RTTN: variants seen among roughly 807,000 people sequenced by gnomAD.
RTTN encodes rotatin.
RTTN carries 182 observed loss-of-function variants against 269.2 expected under a neutral mutation model. The ratio of observed to expected loss-of-function variants is 0.68; its 90% CI spans 0.60 to 0.76. The LOEUF is 0.76. Ranked by LOEUF, RTTN falls within the 30% of genes least tolerant of loss-of-function variation. The pLI is 0.00. For synonymous variants in RTTN, 1,006 were observed against 963.5 expected, an observed-to-expected ratio of 1.04 and a Z score of -0.82; for missense variants, 2,545 against 2,608.6, an observed-to-expected ratio of 0.98 and a Z score of 0.53.
At chr18:70,139,805 T>C in intron 20 of RTTN, 89 bp from the exon 21 acceptor site, 2 of 802,518 alleles carry the variant, frequency 2.5e-6, no homozygotes, top group Non-Finnish European at 4.1e-6. Context: ...CTCTAAATTT[T>C]ATGCGTTTTC....
At chr18:70,013,393 ATGTG>A (rs747807433) in intron 46 of RTTN, among the ~76,000 whole-genome samples, 4 of 147,286 alleles carry the variant, frequency 2.7e-5, no homozygotes, top group African/African-American at 5.2e-5. Flanking sequence ...ATATATACAT[ATGTG>A]TGTGTGTGTG....
chr18:70,145,775 G>A lies in RTTN; in HGVS notation c.2318C>T (p.Ser773Leu), dbSNP rs375642538. 81 of 1,605,162 alleles carry A rather than the reference G, an allele frequency of 5.0e-5. No homozygotes were observed. Among genetic ancestry groups the A allele is most frequent in the Admixed American group, 3.1e-4 (18 of 57,842 alleles). Residue 773 changes from serine (S) to leucine (L), a missense_variant, in exon 18 of 49, where the codon TCG becomes TTG. Coordinates refer to ENST00000640769, the MANE Select transcript of RTTN (RefSeq NM_173630.4). ...GAATGCTAAAAGCTTTAATGCTAGCGAACGGACCCTGAGAACACAAAGTAC... is the reference window on the plus strand; with the variant it reads ...GAATGCTAAAAGCTTTAATGCTAGCAAACGGACCCTGAGAACACAAAGTAC... ...LLLVKKPSVRSLALKLLAFHL... is the reference protein window; with the variant it reads ...LLLVKKPSVRLLALKLLAFHL...
At chr18:70,015,841 A>T (rs1323951212) in intron 46 of RTTN, among the ~76,000 whole-genome samples, 2 of 152,210 alleles carry the variant, frequency 1.3e-5, no homozygotes, top group African/African-American at 4.8e-5. Context: ...AAGAAAAAAA[A>T]AATCATTCTA....
intron 8 of RTTN, among the ~76,000 whole-genome samples, chr18:70,191,767 C>T (rs922627598): frequency 6.6e-6 from 1 of 152,134 alleles, no homozygotes; most frequent in Non-Finnish European, 1.5e-5. Context: ...AAATTATAAA[C>T]CAACTTTGTC....
chr18:70,114,816 A>C (rs1378958731), intron 26 of RTTN, among the ~76,000 whole-genome samples: 4 of 152,126 alleles, frequency 2.6e-5, no homozygotes, highest in Non-Finnish European at 5.9e-5. Flanking sequence ...ATAGAAAAAA[A>C]GGACGAGAAA....
chr18:70,158,898 A>G (rs905127934), intron 14 of RTTN, among the ~76,000 whole-genome samples: 4 of 44,034 alleles, frequency 9.1e-5, no homozygotes, highest in African/African-American at 1.3e-4. Flanking sequence ...AGATTTAACT[A>G]TCCTAAATAT....
At chr18:70,055,215 T>C (rs1158505529) in intron 37 of RTTN, among the ~76,000 whole-genome samples, 1 of 152,140 alleles carries the variant, frequency 6.6e-6, no homozygotes, top group East Asian at 1.9e-4. Context: ...CTGTGATGTC[T>C]CATTTGTCCA....
chr18:70,185,706 AT>A (rs2061528368), intron 10 of RTTN, among the ~76,000 whole-genome samples: 1 of 152,158 alleles, frequency 6.6e-6, no homozygotes. Flanking sequence ...AGATAAGATG[AT>A]CTTAAAACTG....
intron 14 of RTTN, among the ~76,000 whole-genome samples, chr18:70,154,877 T>C (rs962538804): frequency 1.3e-5 from 2 of 152,182 alleles, no homozygotes; most frequent in Non-Finnish European, 1.5e-5. Context: ...ATAGACACAA[T>C]TGACTAAGCT....
At chr18:70,179,847 G>A (rs908642790) in intron 10 of RTTN, among the ~76,000 whole-genome samples, 8 of 152,062 alleles carry the variant, frequency 5.3e-5, no homozygotes, top group Non-Finnish European at 8.8e-5. Context: ...AGCCAGTCAC[G>A]GTTCCTCCTG....
chr18:70,035,909 C>A (rs2057158522), intron 40 of RTTN, among the ~76,000 whole-genome samples: 1 of 152,154 alleles, frequency 6.6e-6, no homozygotes, highest in Non-Finnish European at 1.5e-5. Context: ...ACAGACACTT[C>A]TCAAAAGAAG....
intron 27 of RTTN, among the ~76,000 whole-genome samples, chr18:70,111,612 T>C (rs2059469066): frequency 1.3e-5 from 2 of 151,936 alleles, no homozygotes; most frequent in South Asian, 4.2e-4. Flanking sequence ...GAAAAAAGAA[T>C]AAAAAGGAAC....
At chr18:70,121,472 T>A (rs904474273) in intron 26 of RTTN, 84 bp downstream of exon 26, 7 of 1,172,378 alleles carry the variant, frequency 6.0e-6, no homozygotes, top group African/African-American at 3.1e-5. Flanking sequence ...TATAAAATTA[T>A]CCTTTTCCAT....
intron 23 of RTTN, chr18:70,130,633 A>G (rs2059975142): frequency 6.6e-6 from 1 of 151,946 alleles, no homozygotes; most frequent in East Asian, 1.9e-4. Context: ...CACAGGCTGT[A>G]AAGGATGGTG....
Position 70,027,021 on chromosome 18 carries a change from T to C in RTTN, c.5823+1703A>G, listed in dbSNP as rs530218094. 1.4e-3 allele frequency among the ~76,000 whole-genome samples: 210 copies of C among 152,338 alleles called. 1 individual carries two copies. The highest frequency in any genetic ancestry group is 3.9e-3 in the African/African-American group (163 of 41,574). The stretch of plus-strand genomic sequence containing the variant: ...TAATGCAGTGGCTTAAACTGGAGTT[T>C]GGAAGTCATTCTACATTCCTCCTCT... On this transcript the variant is annotated intron_variant, in intron 43 of 48. Transcript: ENST00000640769.
chr18:70,088,561 A>G (rs538840563), intron 30 of RTTN, among the ~76,000 whole-genome samples: 11 of 152,312 alleles, frequency 7.2e-5, no homozygotes, highest in African/African-American at 2.6e-4. Context: ...TAAAACTTCT[A>G]AACAAAGAGG....
chr18:70,120,387 C>T (rs553537925), intron 26 of RTTN, among the ~76,000 whole-genome samples: 8 of 152,038 alleles, frequency 5.3e-5, no homozygotes, highest in Non-Finnish European at 1.2e-4. Context: ...GATAATAAAC[C>T]TCTAAATAAG....
chr18:70,075,886 A>G (rs189753555), intron 32 of RTTN, among the ~76,000 whole-genome samples: 7 of 152,222 alleles, frequency 4.6e-5, no homozygotes, highest in Admixed American at 3.9e-4. Context: ...CCTACATATA[A>G]TAGTAAAATA....
intron 14 of RTTN, among the ~76,000 whole-genome samples, chr18:70,158,761 C>A (rs1332582142): frequency 6.6e-6 from 1 of 152,064 alleles, no homozygotes; most frequent in Non-Finnish European, 1.5e-5. Context: ...ATCTATCCAG[C>A]AAACAGAAAA....
Sources: allele counts gnomAD v4.1 joint callset (sites outside exome capture counted in the v4.1 genomes callset), GRCh38; gene constraint gnomAD v4.1.1; transcripts MANE v1.5; gene names NCBI Gene and HGNC (gene_info 2026-07-23, HGNC 2026-07-21).